Variants in PER2 observed in about 807,000 individuals in gnomAD.
The protein encoded by PER2 is period circadian protein homolog 2.
Under a neutral mutation model 121.0 loss-of-function variants are expected in PER2, and 66 were observed. The observed-to-expected ratio is 0.55, with a 90% CI of 0.45 to 0.67. The LOEUF (loss-of-function observed/expected upper bound fraction) is 0.67. PER2 is among the 30% of genes least tolerant of loss of function. The pLI is 0.00. For missense variants in PER2, 1,521 were observed against 1,635.0 expected, an observed-to-expected ratio of 0.93 and a Z score of 1.20; for synonymous variants, 684 against 659.9, an observed-to-expected ratio of 1.04 and a Z score of -0.56.
chr2:238,280,768 G>A (rs1389188701), intron 1 of PER2, among the ~76,000 whole-genome samples: 1 of 152,108 alleles, frequency 6.6e-6, no homozygotes, highest in East Asian at 1.9e-4. Context: ...AAACCATAAT[G>A]AGCGAGACAC....
intron 6 of PER2, among the ~76,000 whole-genome samples, chr2:238,269,789 A>C (rs1287719212): frequency 2.0e-5 from 3 of 152,276 alleles, no homozygotes; most frequent in Non-Finnish European, 2.9e-5. Flanking sequence ...ATTGACAAAG[A>C]AAGCTGTGGA....
chr2:238,264,265 C>T (rs1378292973), intron 9 of PER2, among the ~76,000 whole-genome samples: 5 of 152,238 alleles, frequency 3.3e-5, no homozygotes, highest in Non-Finnish European at 7.3e-5. Context: ...ACATATACGG[C>T]CCCAGGCCCT....
intron 12 of PER2, 169 bp downstream of exon 12, chr2:238,261,560 T>A: frequency 1.5e-6 from 1 of 661,624 alleles, no homozygotes; most frequent in East Asian, 2.7e-5. Context: ...CTATGGACTG[T>A]CTCGGACTAG....
In PER2 at chr2:238,268,299, T is replaced by C. The variant is rs764427658; in HGVS notation, c.825-101A>G. On this transcript the variant is annotated intron_variant, in intron 7 of 22. Coordinates refer to ENST00000254657, the MANE Select transcript of PER2 (RefSeq NM_022817.3). The surrounding 1 kb of genome is among the most constrained non-coding windows in gnomAD (Gnocchi z 4.0). ...GGGCCCCATGCCATGCTGCAGGTGA[T>C]GTGTACCTCTGCTCTGCCTGAGGAG... The C allele has an allele frequency of 3.0e-5, 36 of 1,207,280 alleles. No individual in the cohort carries two copies. In the Admixed American group the frequency reaches 5.8e-4, roughly 20 times the overall value. The allele number at this position is 1,207,280 out of a possible 1,614,324, so 74.8% of individuals were successfully genotyped here.
chr2:238,282,216 CAG>C (rs1696650252), intron 1 of PER2, among the ~76,000 whole-genome samples: 1 of 152,226 alleles, frequency 6.6e-6, no homozygotes, highest in South Asian at 2.1e-4. Context: ...GCTCTGACCA[CAG>C]AGACTCTGCA....
At chr2:238,286,145 G>C (rs1696775531) in intron 1 of PER2, among the ~76,000 whole-genome samples, 1 of 152,074 alleles carries the variant, frequency 6.6e-6, no homozygotes, top group African/African-American at 2.4e-5. Flanking sequence ...GCAAATAAAG[G>C]CAAAAGTGTC....
Position 238,253,622 on chromosome 2 carries a change from G to T in PER2, c.2401C>A (p.Arg801=). The T allele has an allele frequency of 3.7e-6, 6 of 1,609,098 alleles. No homozygotes were observed. The highest frequency in any genetic ancestry group is 4.2e-6 in the Non-Finnish European group (5 of 1,177,488). ...TGKNRKLKSK[R]VKPRDSSEST... ...TCAGATGAGTCTCGAGGTTTGACCC[G>T]CTTGGACTTCAATTTTCTGTTCTTT... Residue 801 remains arginine, a synonymous_variant, in exon 19 of 23, where the codon CGG becomes AGG. Transcript: ENST00000254657. The surrounding 1 kb of genome is among the most constrained non-coding windows in gnomAD (Gnocchi z 5.6).
chr2:238,259,902 G>A (rs1695875035), intron 14 of PER2, 67 bp downstream of exon 14: 1 of 770,668 alleles, frequency 1.3e-6, no homozygotes. Context: ...ATTTAACCCA[G>A]GTTCCCTCTT....
At position 238,246,347 on chromosome 2, in the gene PER2, T is replaced by C; in HGVS notation, c.*28A>G. On this transcript the variant is annotated 3_prime_UTR_variant, in exon 23 of 23. Transcript: ENST00000254657. ...CCAAGCACCACCTGGTGTACCTCGC[T>C]GGCTGCCGGGCTGAGGTGGGGCAGG... 2 of 1,563,870 alleles carry C rather than the reference T, an allele frequency of 1.3e-6. No individual in the cohort carries two copies. Among genetic ancestry groups the C allele is most frequent in the South Asian group, 2.3e-5 (2 of 85,738 alleles).
chr2:238,268,289 C>T lies in PER2; in HGVS notation c.825-91G>A. The T allele has an allele frequency of 7.4e-7, 1 of 1,346,692 alleles. No homozygotes were observed. The highest frequency in any genetic ancestry group is 1.2e-5 in the South Asian group (1 of 82,782). The allele number at this position is 1,346,692 out of a possible 1,614,324, so 83.4% of individuals were successfully genotyped here. The stretch of plus-strand genomic sequence containing the variant: ...CTCCTCACCTGGGCCCCATGCCATG[C>T]TGCAGGTGATGTGTACCTCTGCTCT... On this transcript the variant is annotated intron_variant, in intron 7 of 22. Coordinates refer to ENST00000254657, the MANE Select transcript of PER2 (RefSeq NM_022817.3). The surrounding 1 kb of genome is among the most constrained non-coding windows in gnomAD (Gnocchi z 4.0).
In PER2 at chr2:238,252,567, C is replaced by T. The variant is rs1476292885; in HGVS notation, c.3111+345G>A. 1.3e-5 allele frequency among the ~76,000 whole-genome samples: 2 copies of T among 152,232 alleles called. No individual in the cohort carries two copies. The highest frequency in any genetic ancestry group is 4.8e-5 in the African/African-American group (2 of 41,458). On this transcript the variant is annotated intron_variant, in intron 19 of 22. Coordinates refer to ENST00000254657, the MANE Select transcript of PER2 (RefSeq NM_022817.3). This position sits in a 1 kb window ranked among gnomAD's most constrained non-coding sequence, Gnocchi z 4.2. ...GGCTCCGGCGCCACACCCTGAGGAGCCCTAGCTCTGGTATTTAACCTGACT... is the reference window on the plus strand; with the variant it reads ...GGCTCCGGCGCCACACCCTGAGGAGTCCTAGCTCTGGTATTTAACCTGACT...
Position 238,260,941 on chromosome 2 carries a change from T to C in PER2, c.1429A>G (p.Ser477Gly). 6.2e-7 allele frequency: 1 copy of C among 1,613,296 alleles called. No homozygotes were observed. The highest frequency in any genetic ancestry group is 8.5e-7 in the Non-Finnish European group (1 of 1,179,972). Residue 477 changes from serine to glycine, a missense_variant, in exon 13 of 23, where the codon AGC becomes GGC. By Grantham distance (56) the Ser-to-Gly change is moderately conservative (BLOSUM62 0). Transcript: ENST00000254657. ...HRLLLQPVPH[S>G]GSSGYGSLGS... is the part of the protein sequence containing the mutation. ...AGACTCCCGTAGCCACTGGAGCCGC[T>C]GTGGGGGACGGGCTGGGGAGACAGC...
At chr2:238,259,911 T>G in intron 14 of PER2, 58 bp downstream of exon 14, 1 of 820,658 alleles carries the variant, frequency 1.2e-6, no homozygotes, top group Non-Finnish European at 2.1e-6. Context: ...AGGTTCCCTC[T>G]TCTCATGTGG....
At chr2:238,250,807 T>A in intron 20 of PER2, 64 bp from the exon 21 acceptor site, 1 of 1,178,948 alleles carries the variant, frequency 8.5e-7, no homozygotes, top group Non-Finnish European at 1.3e-6. Flanking sequence ...TTGCATAATG[T>A]GCTTCCTCAA....
At position 238,246,300 on chromosome 2, in the gene PER2, C is replaced by G; in HGVS notation, c.*75G>C. 1 of 1,108,352 alleles carries G rather than the reference C, an allele frequency of 9.0e-7. No individual in the cohort carries two copies. The highest frequency in any genetic ancestry group is 1.3e-6 in the Non-Finnish European group (1 of 781,360). The allele number at this position is 1,108,352 out of a possible 1,614,324, so 68.7% of individuals were successfully genotyped here. On this transcript the variant is annotated 3_prime_UTR_variant, in exon 23 of 23. Transcript: ENST00000254657. ...TATGTGTCCATTTCAGTGGAAACAG[C>G]CATGAAGATCTTTCATCTCTTCCAA...
chr2:238,252,956 T>G lies in PER2; in HGVS notation c.3067A>C (p.Lys1023Gln), dbSNP rs1470653647. The G allele has an allele frequency of 1.9e-6, 3 of 1,613,874 alleles. 1 individual carries two copies. Among genetic ancestry groups the G allele is most frequent in the Non-Finnish European group, 2.5e-6 (3 of 1,180,026 alleles). The change falls in exon 19 of 23, where the codon AAA (lysine) becomes CAA (glutamine). Residue 1023 changes from lysine to glutamine, a missense_variant. Coordinates refer to ENST00000254657, the MANE Select transcript of PER2 (RefSeq NM_022817.3). The surrounding 1 kb of genome is among the most constrained non-coding windows in gnomAD (Gnocchi z 4.2). ...TGCTGGTCCCGAGAAGTGCCAGGTT[T>G]GCAGTCCGCCCCTACAGCTGCTGTC... ...TETAAVGADC[K>Q]PGTSRDQQPK...
intron 4 of PER2, among the ~76,000 whole-genome samples, chr2:238,273,572 T>G: frequency 6.6e-6 from 1 of 151,802 alleles, no homozygotes; most frequent in Non-Finnish European, 1.5e-5. Context: ...CTCGGCTCAC[T>G]GTAACTTCCG....
chr2:238,246,299 G>A lies in PER2; in HGVS notation c.*76C>T, dbSNP rs1215992496. On this transcript the variant is annotated 3_prime_UTR_variant, in exon 23 of 23. Transcript: ENST00000254657. ...ATATGTGTCCATTTCAGTGGAAACA[G>A]CCATGAAGATCTTTCATCTCTTCCA... 1.8e-6 allele frequency: 2 copies of A among 1,097,812 alleles called. No homozygotes were observed. The highest frequency in any genetic ancestry group is 2.5e-5 in the East Asian group (1 of 39,248). The allele number at this position is 1,097,812 out of a possible 1,614,324, so 68.0% of individuals were successfully genotyped here.
intron 22 of PER2, chr2:238,247,623 G>A (rs1380718896): frequency 6.6e-6 from 1 of 152,336 alleles, no homozygotes; most frequent in African/African-American, 2.4e-5. Context: ...AAGGCAGCCA[G>A]GGTGAGCCAC....
Sources: allele counts gnomAD v4.1 joint callset (sites outside exome capture counted in the v4.1 genomes callset), GRCh38; gene constraint gnomAD v4.1.1; non-coding constraint Gnocchi (gnomAD v3.1); transcripts MANE v1.5; gene names NCBI Gene and HGNC (gene_info 2026-07-23, HGNC 2026-07-21).